SEPTIN11: variants seen among roughly 807,000 people sequenced by gnomAD.
SEPTIN11 encodes the protein septin 11, also known as septin-11.
In SEPTIN11, 25 loss-of-function variants were observed where a neutral mutation model predicts 51.4. The observed-to-expected ratio is 0.49, with a 90% CI of 0.35 to 0.68. The LOEUF (loss-of-function observed/expected upper bound fraction) is 0.68, where lower values mean the gene tolerates loss of function less well. SEPTIN11 is among the 30% of genes least tolerant of loss of function. The pLI, the probability that SEPTIN11 is intolerant of heterozygous loss-of-function variation, is 0.00. For missense variants in SEPTIN11, 381 were observed against 520.8 expected, an observed-to-expected ratio of 0.73 and a Z score of 2.61; for synonymous variants, 174 against 184.1, an observed-to-expected ratio of 0.95 and a Z score of 0.44.
At position 77,020,394 on chromosome 4, in the gene SEPTIN11, C is replaced by A. The variant is rs142793267; in HGVS notation, c.785-108C>A. ...AAGGATCTTCAGATGGTCTTGAGAC[C>A]CCAGAGATTTCAGGAGTGATGGTAA... is the stretch of plus-strand genomic sequence containing the variant. On this transcript the variant is annotated intron_variant, in intron 6 of 9. Transcript: ENST00000264893. 3.1e-3 allele frequency: 4,168 copies of A among 1,346,000 alleles called. 12 individuals carry two copies. Among genetic ancestry groups the A allele is most frequent in the Middle Eastern group, 5.5e-3 (21 of 3,808 alleles). The allele number at this position is 1,346,000 out of a possible 1,614,324, so 83.4% of individuals were successfully genotyped here.
Position 77,036,086 on chromosome 4 carries a change from G to C in SEPTIN11, c.*1574G>C, listed in dbSNP as rs1727004158. The stretch of plus-strand genomic sequence containing the variant: ...GCAAAGATTTTTTCTCCTTTTCTTT[G>C]TCCTCAACCATACTTAGAGGAAAGA... On this transcript the variant is annotated 3_prime_UTR_variant, in exon 10 of 10. Transcript: ENST00000264893. 1 of 985,610 alleles carries C rather than the reference G, an allele frequency of 1.0e-6. No individual in the cohort carries two copies. The highest frequency in any genetic ancestry group is 1.2e-6 in the Non-Finnish European group (1 of 829,958). 61.1% of individuals were successfully genotyped at this position (985,610 alleles called of 1,614,324 possible).
intron 1 of SEPTIN11, among the ~76,000 whole-genome samples, chr4:76,986,572 C>G (rs923607599): frequency 6.6e-6 from 1 of 152,208 alleles, no homozygotes; most frequent in Non-Finnish European, 1.5e-5. Context: ...GTTAAATACC[C>G]TAGGTCACAC....
At position 77,034,590 on chromosome 4, in the gene SEPTIN11, GTTTTA is replaced by G. The variant is rs28969609; in HGVS notation, c.*98_*102del. On this transcript the variant is annotated 3_prime_UTR_variant, in exon 10 of 10. Transcript: ENST00000264893. ...GTATCTCTGCCATGTGTGTTCTTTA[GTTTTA>G]TTTTATTTTATTTTATTTTTTTACC... 0.033 allele frequency: 47,880 copies of G among 1,432,468 alleles called. 1,708 individuals carry two copies. Among genetic ancestry groups the G allele is most frequent in the African/African-American group, 0.18 (11,845 of 66,634 alleles). The allele number at this position is 1,432,468 out of a possible 1,614,324, so 88.7% of individuals were successfully genotyped here.
At chr4:76,986,823 T>A (rs985862444) in intron 1 of SEPTIN11, among the ~76,000 whole-genome samples, 2 of 152,228 alleles carry the variant, frequency 1.3e-5, no homozygotes, top group Non-Finnish European at 2.9e-5. Flanking sequence ...TCCTGGATTT[T>A]AAAAATCTTA....
chr4:77,019,087 G>A, intron 5 of SEPTIN11, 78 bp from the exon 6 acceptor site: 1 of 1,348,686 alleles, frequency 7.4e-7, no homozygotes. Flanking sequence ...TGCAGAAGGA[G>A]GGAGAAGATA....
intron 9 of SEPTIN11, among the ~76,000 whole-genome samples, chr4:77,032,920 A>G (rs1420117359): frequency 1.3e-5 from 2 of 152,092 alleles, no homozygotes; most frequent in African/African-American, 4.8e-5. Context: ...CTGGGGCCTT[A>G]CCAATGTGTA....
intron 3 of SEPTIN11, among the ~76,000 whole-genome samples, chr4:77,006,633 G>A (rs771705239): frequency 1.2e-4 from 19 of 152,206 alleles, no homozygotes; most frequent in Admixed American, 3.9e-4. Flanking sequence ...ATGGGCATAA[G>A]TGTCTACCTG....
downstream of SEPTIN11, chr4:77,039,499 T>G: frequency 1.0e-6 from 1 of 985,372 alleles, no homozygotes; most frequent in Non-Finnish European, 1.2e-6. Flanking sequence ...GCCCACAAAC[T>G]TGATCTCATG....
intron 2 of SEPTIN11, among the ~76,000 whole-genome samples, chr4:77,000,119 A>G (rs1306619481): frequency 6.6e-6 from 1 of 152,238 alleles, no homozygotes; most frequent in Admixed American, 6.5e-5. Context: ...ATACTGTAAC[A>G]TCTCTGCTTT....
chr4:77,039,643 GT>G, downstream of SEPTIN11: 1 of 967,594 alleles, frequency 1.0e-6, no homozygotes, highest in Non-Finnish European at 1.2e-6. Context: ...GGTGTTTGGG[GT>G]TTTTAAAAAA....
intron 3 of SEPTIN11, chr4:77,010,002 T>C (rs1724749592): frequency 6.6e-6 from 1 of 152,218 alleles, no homozygotes; most frequent in African/African-American, 2.4e-5. Context: ...AGTTCCTTTT[T>C]TTTTCCTTAG....
intron 1 of SEPTIN11, chr4:76,974,843 G>A: frequency 2.2e-6 from 1 of 456,612 alleles, no homozygotes; most frequent in Non-Finnish European, 4.4e-6. Context: ...GAGCGCTTGG[G>A]TGGGTGTGGT....
In SEPTIN11 at chr4:77,021,534, C is replaced by T. The variant is rs536150115; in HGVS notation, c.953+864C>T. The T allele has an allele frequency of 3.3e-5, 5 of 153,262 alleles. 1 individual carries two copies. The East Asian group carries it at 5.8e-4, about 18-fold the overall frequency. 9.5% of individuals were successfully genotyped at this position (153,262 alleles called of 1,614,324 possible). On this transcript the variant is annotated intron_variant, in intron 7 of 9. Coordinates refer to ENST00000264893, the MANE Select transcript of SEPTIN11 (RefSeq NM_018243.4). ...ACCAGGCTGGAGTGCCTCGGCCTCC[C>T]AAAGTGCTGGGATTACAGGCGTGAG... is the stretch of plus-strand genomic sequence containing the variant.
intron 1 of SEPTIN11, among the ~76,000 whole-genome samples, chr4:76,980,303 T>C (rs961442906): frequency 1.3e-5 from 2 of 152,246 alleles, no homozygotes; most frequent in African/African-American, 4.8e-5. Flanking sequence ...CACAAGTTTG[T>C]CTGTCCAAAC....
At chr4:76,977,673 A>G (rs1309628012) in intron 1 of SEPTIN11, among the ~76,000 whole-genome samples, 1 of 152,028 alleles carries the variant, frequency 6.6e-6, no homozygotes, top group African/African-American at 2.4e-5. Context: ...TAGCCTTTCT[A>G]AAAAGGATGA....
At chr4:76,995,846 A>AGAGG in intron 1 of SEPTIN11, 2 of 1,535,548 alleles carry the variant, frequency 1.3e-6, no homozygotes, top group Non-Finnish European at 1.7e-6. Flanking sequence ...TACAGGGTGA[A>AGAGG]GAGGGGGAAG....
intron 1 of SEPTIN11, among the ~76,000 whole-genome samples, chr4:76,976,422 G>A (rs1229565155): frequency 6.6e-6 from 1 of 152,166 alleles, no homozygotes; most frequent in East Asian, 1.9e-4. Flanking sequence ...CTAGAGTGAT[G>A]AGATTTCTTG....
At chr4:77,016,068 G>C (rs80306047) in intron 5 of SEPTIN11, among the ~76,000 whole-genome samples, 1,552 of 152,212 alleles carry the variant, frequency 0.01, 27 homozygotes, top group African/African-American at 0.035. Flanking sequence ...AGGATTGAAC[G>C]TATAATAAGC....
chr4:77,016,669 T>TACAC (rs1725335427), intron 5 of SEPTIN11, among the ~76,000 whole-genome samples: 1 of 136,506 alleles, frequency 7.3e-6, no homozygotes, highest in Admixed American at 7.4e-5. Flanking sequence ...CATATATATA[T>TACAC]ATATATGGCC....
Sources: gnomAD v4.1 joint callset for allele counts (sites outside exome capture counted in the v4.1 genomes callset) on GRCh38, gnomAD v4.1.1 for gene constraint, MANE v1.5 for transcripts, NCBI Gene and HGNC (gene_info 2026-07-23, HGNC 2026-07-21) for gene names.